Variants in TXNL1 observed in about 807,000 individuals in gnomAD.
TXNL1 encodes thioredoxin-like protein 1.
TXNL1 carries 14 observed loss-of-function variants against 35.5 expected under a neutral mutation model. That is an observed-to-expected ratio of 0.39 (90% CI 0.26 to 0.62). The LOEUF (loss-of-function observed/expected upper bound fraction) is 0.62. Ranked by LOEUF, TXNL1 falls within the 20% of genes least tolerant of loss-of-function variation. The pLI is 0.47. For synonymous variants in TXNL1, 110 were observed against 115.5 expected (o/e 0.95, Z 0.31); for missense variants, 263 against 349.7 (o/e 0.75, Z 1.98).
At chr18:56,622,387 A>T (rs1354108864) in intron 3 of TXNL1, among the ~76,000 whole-genome samples, 1 of 152,166 alleles carries the variant, frequency 6.6e-6, no homozygotes, top group African/African-American at 2.4e-5. Context: ...AATTAAGAAA[A>T]TTTAACTGTA....
At chr18:56,607,575 G>A (rs1220369947) in intron 7 of TXNL1, among the ~76,000 whole-genome samples, 3 of 152,088 alleles carry the variant, frequency 2.0e-5, no homozygotes, top group African/African-American at 7.2e-5. Context: ...TAAACCCATT[G>A]TAAAGACCAG....
chr18:56,599,695 G>C lies in TXNL1; in HGVS notation c.*3332C>G, dbSNP rs2023786367. ...ACTGCCTCAGCCTCCCAAGTAGCTG[G>C]GTGTGGCACCTGCCACCATGCCTGG... is the stretch of plus-strand genomic sequence containing the variant. On this transcript the variant is annotated 3_prime_UTR_variant, in exon 8 of 8. Transcript: ENST00000217515. The C allele has an allele frequency of 6.6e-6, 1 of 152,058 alleles. No homozygotes were observed. The highest frequency in any genetic ancestry group is 1.5e-5 in the Non-Finnish European group (1 of 68,152). The allele number at this position is 152,058 out of a possible 1,614,324, so 9.4% of individuals were successfully genotyped here. A position where few individuals can be genotyped will look rare whatever the true frequency, so the allele number is the denominator to read the frequency against.
intron 7 of TXNL1, chr18:56,605,051 G>C (rs2023867897): frequency 6.8e-6 from 1 of 147,470 alleles, no homozygotes. Flanking sequence ...AAAAAGGCTA[G>C]TGAGCAACAC....
chr18:56,614,527 C>A lies in TXNL1; in HGVS notation c.632G>T (p.Arg211Ile), dbSNP rs771621187. Residue 211 changes from arginine to isoleucine, a missense_variant, in exon 6 of 8, where the codon AGA (arginine) becomes ATA (isoleucine). Coordinates refer to ENST00000217515, the MANE Select transcript of TXNL1 (RefSeq NM_004786.3). ...PRSMDFEEAE[R>I]SEPTQALELT... ...TTCCAGAGCTTGAGTTGGTTCACTT[C>A]TTTCTGCCTCTTCAAAATCCATAGA... 22 of 1,613,806 alleles carry A rather than the reference C, an allele frequency of 1.4e-5. No individual in the cohort carries two copies. In the Admixed American group the frequency reaches 1.5e-4, roughly 11 times the overall value.
rs2024495519 is a variant in TXNL1, at chr18:56,638,494, G to C, written c.-54C>G. 4.5e-6 allele frequency: 7 copies of C among 1,557,146 alleles called. No individual in the cohort carries two copies. The highest frequency in any genetic ancestry group is 5.3e-6 in the Non-Finnish European group (6 of 1,142,154). ...CGACGCCACTGGCTTTGAAACTGAA[G>C]GAGAAGACGATCTGGGAGAGGAAGG... On this transcript the variant is annotated 5_prime_UTR_variant, in exon 1 of 8. Transcript: ENST00000217515.
chr18:56,609,458 TTAAC>T (rs1259477551), intron 7 of TXNL1: 1 of 152,062 alleles, frequency 6.6e-6, no homozygotes, highest in East Asian at 1.9e-4. Flanking sequence ...TAGAGAAACT[TTAAC>T]TGAATGGCTA....
rs944777781 is a variant in TXNL1, at chr18:56,611,086, C to T, written c.747G>A (p.Gln249=). The change falls in exon 7 of 8, where the codon CAG becomes CAA. Residue 249 remains glutamine (Q), a synonymous_variant. Transcript: ENST00000217515. ...TTGTTTCCTCTTCACCTTGATTCGA[C>T]TGAACAAATATCTACCAAAAAAAAG... ...QNVNSVTIFV[Q]SNQGEEETTR... 27 of 1,601,964 alleles carry T rather than the reference C, an allele frequency of 1.7e-5. No individual in the cohort carries two copies. The highest frequency in any genetic ancestry group is 2.3e-5 in the Non-Finnish European group (27 of 1,175,960).
rs77496275 is a variant in TXNL1 at position 56,627,169 on chromosome 18, C to T, written c.99-712G>A. Among the ~76,000 whole-genome samples the T allele has an allele frequency of 7.4e-3, 1,122 of 152,134 alleles. 19 individuals are homozygous for T. The highest frequency in any genetic ancestry group is 0.025 in the African/African-American group (1,056 of 41,488). ...TACATATACTTGTATCAATACTATA[C>T]TGTCTTAATGAGCCCAGATGTTACA... is the stretch of plus-strand genomic sequence containing the variant. On this transcript the variant is annotated intron_variant, in intron 1 of 7. Coordinates refer to ENST00000217515, the MANE Select transcript of TXNL1 (RefSeq NM_004786.3).
At chr18:56,627,136 A>G (rs2024298850) in intron 1 of TXNL1, among the ~76,000 whole-genome samples, 1 of 152,014 alleles carries the variant, frequency 6.6e-6, no homozygotes, top group Non-Finnish European at 1.5e-5. Context: ...CTATTTGAGT[A>G]AGTTATTTAC....
intron 1 of TXNL1, among the ~76,000 whole-genome samples, chr18:56,632,930 C>T (rs1783123774): frequency 6.6e-6 from 1 of 152,082 alleles, no homozygotes; most frequent in Non-Finnish European, 1.5e-5. Context: ...CTTCAATAAA[C>T]TTCCTTCAGT....
At chr18:56,627,209 C>T (rs1457993137) in intron 1 of TXNL1, among the ~76,000 whole-genome samples, 7 of 152,006 alleles carry the variant, frequency 4.6e-5, no homozygotes, top group Admixed American at 2.6e-4. Context: ...GTCTTCATAA[C>T]TAATAGTGTT....
chr18:56,622,849 T>TAAC (rs1473352193), intron 3 of TXNL1, among the ~76,000 whole-genome samples: 1 of 152,182 alleles, frequency 6.6e-6, no homozygotes, highest in Non-Finnish European at 1.5e-5. Flanking sequence ...AACCCTGACA[T>TAAC]AAACGATATG....
intron 5 of TXNL1, 64 bp from the exon 6 acceptor site, chr18:56,614,660 A>G: frequency 1.5e-6 from 2 of 1,293,850 alleles, no homozygotes; most frequent in Non-Finnish European, 2.1e-6. Flanking sequence ...TCCCTTTACC[A>G]CTACACTCAC....
At chr18:56,608,519 A>T (rs1461610550) in intron 7 of TXNL1, 1 of 152,212 alleles carries the variant, frequency 6.6e-6, no homozygotes, top group African/African-American at 2.4e-5. Flanking sequence ...ATGGTATTCA[A>T]ATTATTCTTG....
intron 1 of TXNL1, among the ~76,000 whole-genome samples, chr18:56,629,698 A>G (rs1037973532): frequency 1.3e-5 from 2 of 152,206 alleles, no homozygotes; most frequent in African/African-American, 2.4e-5. Context: ...AAAATATTAA[A>G]TGAGTTGAGA....
chr18:56,603,404 A>G (rs2023839527), intron 7 of TXNL1, among the ~76,000 whole-genome samples: 1 of 152,092 alleles, frequency 6.6e-6, no homozygotes, highest in African/African-American at 2.4e-5. Flanking sequence ...ATAGTTAGAA[A>G]TCAAATGTCG....
intron 3 of TXNL1, among the ~76,000 whole-genome samples, chr18:56,623,115 T>G (rs1388706419): frequency 6.6e-6 from 1 of 152,162 alleles, no homozygotes; most frequent in Non-Finnish European, 1.5e-5. Flanking sequence ...TTAATATGCC[T>G]GTTATACATT....
chr18:56,617,259 G>A (rs2024103308), intron 4 of TXNL1, among the ~76,000 whole-genome samples: 1 of 152,082 alleles, frequency 6.6e-6, no homozygotes, highest in Non-Finnish European at 1.5e-5. Flanking sequence ...CCATAATAGT[G>A]TATCAAAAAA....
chr18:56,636,143 AC>A (rs1170670763), intron 1 of TXNL1, among the ~76,000 whole-genome samples: 1 of 152,210 alleles, frequency 6.6e-6, no homozygotes, highest in Non-Finnish European at 1.5e-5. Flanking sequence ...ATCATAAGCC[AC>A]TAAAGATTCT....
Sources: allele counts gnomAD v4.1 joint callset (sites outside exome capture counted in the v4.1 genomes callset), GRCh38; gene constraint gnomAD v4.1.1; transcripts MANE v1.5; gene names NCBI Gene and HGNC (gene_info 2026-07-23, HGNC 2026-07-21).